IL7: variants seen among roughly 807,000 people sequenced by gnomAD.
IL7 encodes the protein interleukin-7.
A neutral mutation model predicts 21.6 loss-of-function variants in IL7; 3 were observed. The ratio of observed to expected loss-of-function variants is 0.14; its 90% CI spans 0.06 to 0.36. IL7 has a LOEUF of 0.36. Ranked by LOEUF, IL7 falls within the 10% of genes least tolerant of loss-of-function variation. The pLI, the probability that IL7 is intolerant of heterozygous loss-of-function variation, is 1.00. For missense variants in IL7, 175 were observed against 200.2 expected (o/e 0.87, Z 0.76); for synonymous variants, 62 against 68.1 (o/e 0.91, Z 0.44).
chr8:78,697,066 T>C lies in IL7; in HGVS notation n.215-11119A>G, dbSNP rs540371097. On this transcript the variant is annotated intron_variant and non_coding_transcript_variant, in intron 3 of 4. Coordinates refer to the IL7 transcript ENST00000523959. ...AGTTTGGAAAACCTTTGAGGTGATA[T>C]ATTTTAATCTATACTTCCTCAATTT... 3.0e-4 allele frequency among the ~76,000 whole-genome samples: 46 copies of C among 152,336 alleles called. 1 individual carries two copies. The highest frequency in any genetic ancestry group is 4.7e-4 in the Non-Finnish European group (32 of 68,028).
intron 1 of IL7, among the ~76,000 whole-genome samples, chr8:78,803,780 G>C (rs986649552): frequency 6.6e-6 from 1 of 152,140 alleles, no homozygotes; most frequent in African/African-American, 2.4e-5. Flanking sequence ...AGCTCCGGGA[G>C]GACATTCCTT....
chr8:78,797,041 A>C (rs1813875544), intron 2 of IL7, among the ~76,000 whole-genome samples: 1 of 152,084 alleles, frequency 6.6e-6, no homozygotes, highest in African/African-American at 2.4e-5. Flanking sequence ...AAGTTGTGGT[A>C]TATCCATTCA....
intron 2 of IL7, among the ~76,000 whole-genome samples, chr8:78,775,781 T>TG (rs1813112961): frequency 6.6e-6 from 1 of 152,030 alleles, no homozygotes; most frequent in South Asian, 2.1e-4. Flanking sequence ...TAGGATTTCA[T>TG]AAGGTAACTG....
intron 2 of IL7, chr8:78,761,253 G>A (rs890765586): frequency 5.0e-6 from 8 of 1,604,056 alleles, no homozygotes; most frequent in African/African-American, 1.3e-5. Context: ...GGTGATCGAT[G>A]GAAAAAAGAA....
intron 2 of IL7, among the ~76,000 whole-genome samples, chr8:78,770,781 A>G (rs948536968): frequency 1.3e-5 from 2 of 152,054 alleles, no homozygotes; most frequent in Non-Finnish European, 2.9e-5. Context: ...CTTTTGCTTT[A>G]TAGGAGATCT....
At chr8:78,694,163 G>T (rs1810318783) in intron 3 of IL7, among the ~76,000 whole-genome samples, 1 of 151,810 alleles carries the variant, frequency 6.6e-6, no homozygotes, top group South Asian at 2.1e-4. Context: ...TTTATAGTTT[G>T]CAATTTTCCA....
At chr8:78,734,545 C>T (rs959881406) in intron 5 of IL7, among the ~76,000 whole-genome samples, 1 of 152,150 alleles carries the variant, frequency 6.6e-6, no homozygotes, top group African/African-American at 2.4e-5. Context: ...ATACCAGTGA[C>T]TTTTACCCCT....
At chr8:78,715,098 G>A (rs1272084672), downstream of IL7, 3 of 766,436 alleles carry the variant, frequency 3.9e-6, no homozygotes, top group East Asian at 2.9e-5. Flanking sequence ...TAATTATTGG[G>A]ACTTTAATCT....
At chr8:78,697,611 TAAG>T in intron 3 of IL7, 1 of 775,932 alleles carries the variant, frequency 1.3e-6, no homozygotes, top group South Asian at 1.9e-5. Context: ...GATTTATAAT[TAAG>T]AAGAGATGTA....
intron 2 of IL7, chr8:78,760,815 C>T: frequency 9.1e-6 from 14 of 1,544,210 alleles, no homozygotes; most frequent in South Asian, 3.7e-5. Flanking sequence ...TTTGTGGCTT[C>T]CTCAAACCAA....
At chr8:78,722,507 C>A (rs1253014838) in intron 3 of IL7, among the ~76,000 whole-genome samples, 1 of 151,850 alleles carries the variant, frequency 6.6e-6, no homozygotes, top group Non-Finnish European at 1.5e-5. Context: ...ATAAGCATGT[C>A]TTTGGTATAG....
chr8:78,759,736 G>A (rs929858993), intron 2 of IL7, among the ~76,000 whole-genome samples: 1 of 152,112 alleles, frequency 6.6e-6, no homozygotes, highest in African/African-American at 2.4e-5. Context: ...TTAGTCAAAG[G>A]TCAATTGTGG....
intron 3 of IL7, among the ~76,000 whole-genome samples, chr8:78,700,518 C>A (rs7000639): frequency 0.016 from 2,400 of 152,220 alleles, 54 homozygotes; most frequent in African/African-American, 0.054. Context: ...AATTACAGCC[C>A]ATTTGTCAAT....
intron 3 of IL7, among the ~76,000 whole-genome samples, chr8:78,711,100 A>G (rs1040221567): frequency 1.3e-5 from 2 of 152,128 alleles, no homozygotes; most frequent in Non-Finnish European, 2.9e-5. Flanking sequence ...TAGTCAGTGA[A>G]TAAGTAAAGA....
At chr8:78,707,252 A>G (rs1436561255) in intron 3 of IL7, among the ~76,000 whole-genome samples, 3 of 152,222 alleles carry the variant, frequency 2.0e-5, no homozygotes, top group Non-Finnish European at 4.4e-5. Flanking sequence ...CAGTATTTCT[A>G]TAGTACTGGC....
At chr8:78,704,561 G>T (rs561561148) in intron 3 of IL7, among the ~76,000 whole-genome samples, 21 of 152,164 alleles carry the variant, frequency 1.4e-4, no homozygotes, top group African/African-American at 4.8e-4. Flanking sequence ...TGGAGAATCT[G>T]ATGATTATGT....
intron 2 of IL7, among the ~76,000 whole-genome samples, chr8:78,775,618 T>G (rs1171569819): frequency 6.6e-6 from 1 of 152,096 alleles, no homozygotes; most frequent in Non-Finnish European, 1.5e-5. Context: ...AGGGGCAAAG[T>G]GGGGACTCTG....
intron 2 of IL7, among the ~76,000 whole-genome samples, chr8:78,762,702 T>A (rs1372377614): frequency 1.3e-5 from 2 of 152,192 alleles, no homozygotes; most frequent in East Asian, 1.9e-4. Context: ...TGTCCTCTTG[T>A]ATCTCGCTGC....
intron 3 of IL7, chr8:78,689,515 T>C (rs1397397847): frequency 1.4e-6 from 1 of 724,896 alleles, no homozygotes; most frequent in Non-Finnish European, 2.0e-6. Context: ...TCTATAAAAG[T>C]TGTATGCTTT....
Sources: gnomAD v4.1 joint callset for allele counts (sites outside exome capture counted in the v4.1 genomes callset) on GRCh38, gnomAD v4.1.1 for gene constraint, MANE v1.5 for transcripts, NCBI Gene and HGNC (gene_info 2026-07-23, HGNC 2026-07-21) for gene names.